The following NEBL variants were observed in gnomAD, a reference collection of about 807,000 sequenced individuals.
The protein encoded by NEBL is nebulette.
A neutral mutation model predicts 140.2 loss-of-function variants in NEBL; 122 were observed. That is an observed-to-expected ratio of 0.87 (90% CI 0.75 to 1.01). NEBL has a LOEUF of 1.01. NEBL is among the 50% of genes least tolerant of loss of function. The probability of loss-of-function intolerance (pLI) is 0.00; values close to 1 mark genes in which losing one functional copy is unlikely to be tolerated. For synonymous variants in NEBL, 436 were observed against 398.9 expected (o/e 1.09, Z -1.11); for missense variants, 1,365 against 1,231.3 (o/e 1.11, Z -1.62).
At chr10:21,210,883 A>G (rs185418315) in intron 3 of NEBL, among the ~76,000 whole-genome samples, 239 of 152,332 alleles carry the variant, frequency 1.6e-3, no homozygotes, top group African/African-American at 5.3e-3. Flanking sequence ...GTCTTTAAAA[A>G]ACCTGTAGCT....
rs368856187 is a variant in NEBL at position 20,888,207 on chromosome 10, C to G, written c.259G>C (p.Ala87Pro). 1.9e-6 allele frequency: 3 copies of G among 1,557,860 alleles called. No individual in the cohort carries two copies. The African/African-American group carries it at 4.9e-5, about 25-fold the overall frequency. Reference protein sequence around the residue: ...VKNIGAFISEAKYKGTIKADL... With the variant: ...VKNIGAFISEPKYKGTIKADL... ...GCTTTAATGGTGCCTTTGTATTTTG[C>G]CTGGGGGAAAAAAAAACAGGAAAAA... The change falls in exon 4 of 28, where the codon GCA becomes CCA. Residue 87 changes from alanine (A) to proline (P), a missense_variant and splice_region_variant. Coordinates refer to ENST00000377122, the MANE Select transcript of NEBL (RefSeq NM_006393.3).
At chr10:20,859,266 T>A (rs4747424) in intron 8 of NEBL, among the ~76,000 whole-genome samples, 90,997 of 151,908 alleles carry the variant, frequency 0.6, 27,878 homozygotes, top group Non-Finnish European at 0.65. Context: ...CACAGCATTT[T>A]CACAAGGGAT....
At chr10:21,270,088 A>G (rs1332444742) in intron 1 of NEBL, among the ~76,000 whole-genome samples, 1 of 152,208 alleles carries the variant, frequency 6.6e-6, no homozygotes, top group Non-Finnish European at 1.5e-5. Flanking sequence ...TTTAACCACA[A>G]CTGTACTTGT....
intron 3 of NEBL, among the ~76,000 whole-genome samples, chr10:21,013,599 C>T (rs904671577): frequency 2.0e-5 from 3 of 152,160 alleles, no homozygotes; most frequent in Non-Finnish European, 4.4e-5. Flanking sequence ...ATAAGAGGGC[C>T]AGGCGCAGTG....
chr10:20,879,579 C>T (rs1297505344), intron 5 of NEBL, among the ~76,000 whole-genome samples: 2 of 152,166 alleles, frequency 1.3e-5, no homozygotes, highest in Non-Finnish European at 2.9e-5. Flanking sequence ...AGTTGCCGTT[C>T]TGCGGAAAAC....
In NEBL at chr10:20,852,026, C is replaced by T. The variant is rs905953211; in HGVS notation, c.1008+519G>A. ...TAAGCTCAGAATTAAAAAAAAATAA[C>T]GACTTTAAAGTATGCTAGAGAGAAG... On this transcript the variant is annotated intron_variant, in intron 10 of 27. Coordinates refer to ENST00000377122, the MANE Select transcript of NEBL (RefSeq NM_006393.3). Among the ~76,000 whole-genome samples, 16 of 151,772 alleles carry T rather than the reference C, an allele frequency of 1.1e-4. 1 individual carries two copies. Among genetic ancestry groups the T allele is most frequent in the Admixed American group, 8.5e-4 (13 of 15,250 alleles).
upstream of NEBL, among the ~76,000 whole-genome samples, chr10:20,897,809 G>A (rs12251227): frequency 0.067 from 10,161 of 152,176 alleles, 1,063 homozygotes; most frequent in African/African-American, 0.23. Context: ...GCTGATTAGA[G>A]GCTACTTATT....
chr10:21,159,792 G>T (rs1840480392), intron 2 of NEBL, among the ~76,000 whole-genome samples: 1 of 152,054 alleles, frequency 6.6e-6, no homozygotes, highest in Non-Finnish European at 1.5e-5. Context: ...AGCATACCAA[G>T]CCTCTCCACT....
intron 14 of NEBL, among the ~76,000 whole-genome samples, chr10:20,832,263 A>C (rs1840487635): frequency 6.6e-6 from 1 of 152,188 alleles, no homozygotes; most frequent in Admixed American, 6.5e-5. Flanking sequence ...GGATGCATGC[A>C]TCTTTTTTTC....
intron 2 of NEBL, among the ~76,000 whole-genome samples, chr10:21,169,063 AAAAAATATATATATATATAT>A (rs1430721703): frequency 1.4e-4 from 5 of 35,306 alleles, no homozygotes; most frequent in Non-Finnish European, 2.5e-4. Flanking sequence ...AAAAAAAAAA[AAAAAATATATATATATATAT>A]ATATATATAT....
upstream of NEBL, among the ~76,000 whole-genome samples, chr10:21,179,499 C>T (rs2132203177): frequency 6.6e-6 from 1 of 151,970 alleles, no homozygotes; most frequent in East Asian, 1.9e-4. Flanking sequence ...CCCTCACGCT[C>T]CATCATCCCC....
chr10:21,126,272 G>A (rs781276844), intron 2 of NEBL: 1 of 707,242 alleles, frequency 1.4e-6, no homozygotes, highest in South Asian at 1.9e-5. Context: ...TCTTTTGTAA[G>A]CCTCATTACA....
chr10:21,213,810 C>G (rs893374455), intron 3 of NEBL, among the ~76,000 whole-genome samples: 1 of 152,128 alleles, frequency 6.6e-6, no homozygotes, highest in African/African-American at 2.4e-5. Flanking sequence ...AAAGGACCAA[C>G]GAATATCTAC....
intron 12 of NEBL, among the ~76,000 whole-genome samples, chr10:20,845,034 G>C (rs768280278): frequency 1.3e-5 from 2 of 151,860 alleles, no homozygotes; most frequent in Admixed American, 6.6e-5. Flanking sequence ...AGTTTTCCCA[G>C]GAAATCTGGG....
intron 3 of NEBL, among the ~76,000 whole-genome samples, chr10:21,197,852 T>C (rs1318408574): frequency 6.6e-6 from 1 of 152,232 alleles, no homozygotes; most frequent in Non-Finnish European, 1.5e-5. Context: ...AAAACGCAGT[T>C]TCCATGTCCT....
upstream of NEBL, chr10:20,897,487 G>A (rs937048337): frequency 8.6e-7 from 1 of 1,158,804 alleles, no homozygotes; most frequent in East Asian, 4.9e-5. Flanking sequence ...TTTTTCCACT[G>A]GTTAAGAAAT....
At chr10:20,991,821 T>C (rs973819718) in intron 3 of NEBL, among the ~76,000 whole-genome samples, 5 of 138,864 alleles carry the variant, frequency 3.6e-5, no homozygotes, top group Non-Finnish European at 7.7e-5. Context: ...TTTGTGTCCA[T>C]ATGTACTCAG....
chr10:20,823,083 T>C, intron 19 of NEBL, 125 bp downstream of exon 19: 2 of 697,012 alleles, frequency 2.9e-6, no homozygotes, highest in South Asian at 3.6e-5. Flanking sequence ...AGCTCCACTT[T>C]TAAGGAACCG....
At chr10:21,291,127 T>A (rs933065091) in intron 1 of NEBL, among the ~76,000 whole-genome samples, 2 of 148,222 alleles carry the variant, frequency 1.3e-5, no homozygotes, top group African/African-American at 5.0e-5. Context: ...TTTCAGTAGA[T>A]CCCACTGGCA....
Sources: gnomAD v4.1 joint callset for allele counts (sites outside exome capture counted in the v4.1 genomes callset) on GRCh38, gnomAD v4.1.1 for gene constraint, MANE v1.5 for transcripts, NCBI Gene and HGNC (gene_info 2026-07-23, HGNC 2026-07-21) for gene names.